ASTN2: variants seen among roughly 807,000 people sequenced by gnomAD.
ASTN2 encodes the protein astrotactin-2.
A neutral mutation model predicts 139.8 loss-of-function variants in ASTN2; 54 were observed. The ratio of observed to expected loss-of-function variants is 0.39; its 90% confidence interval spans 0.31 to 0.48. The LOEUF (loss-of-function observed/expected upper bound fraction) is 0.48, where lower values mean the gene tolerates loss of function less well. ASTN2 is among the 20% of genes least tolerant of loss of function. The probability of loss-of-function intolerance (pLI) is 0.95; values close to 1 mark genes in which losing one functional copy is unlikely to be tolerated. For missense variants in ASTN2, 1,565 were observed against 1,725.1 expected (o/e 0.91, Z 1.64); for synonymous variants, 756 against 719.5 (o/e 1.05, Z -0.81).
chr9:116,929,228 A>G (rs1298499517), intron 10 of ASTN2, among the ~76,000 whole-genome samples: 1 of 152,180 alleles, frequency 6.6e-6, no homozygotes. Context: ...TTCTTGAGAG[A>G]AAGGTCTTCA....
At chr9:116,486,899 T>C (rs1458563796) in intron 20 of ASTN2, among the ~76,000 whole-genome samples, 1 of 150,964 alleles carries the variant, frequency 6.6e-6, no homozygotes, top group African/African-American at 2.5e-5. Flanking sequence ...AAAAAGTGTA[T>C]ATTGTATATA....
chr9:116,694,459 CTTT>C (rs56666915), intron 16 of ASTN2, among the ~76,000 whole-genome samples: 75 of 88,040 alleles, frequency 8.5e-4, no homozygotes, highest in African/African-American at 3.0e-3. Context: ...TGTAATTTCT[CTTT>C]TTTTTTTTTT....
chr9:116,703,129 C>G (rs1457456951), intron 16 of ASTN2, among the ~76,000 whole-genome samples: 1 of 151,464 alleles, frequency 6.6e-6, no homozygotes, highest in African/African-American at 2.4e-5. Flanking sequence ...TCCACATCCT[C>G]TCCAGCACCT....
intron 3 of ASTN2, among the ~76,000 whole-genome samples, chr9:117,211,514 G>C (rs980523171): frequency 2.0e-5 from 3 of 152,138 alleles, no homozygotes; most frequent in Admixed American, 1.3e-4. Context: ...ATGTGAAGAA[G>C]GTGCTTGCTT....
intron 3 of ASTN2, among the ~76,000 whole-genome samples, chr9:117,181,701 C>T (rs1044139752): frequency 3.9e-5 from 6 of 152,126 alleles, no homozygotes; most frequent in African/African-American, 1.4e-4. Flanking sequence ...AATGATGATA[C>T]CATATGGAAA....
intron 3 of ASTN2, among the ~76,000 whole-genome samples, chr9:117,201,595 T>G (rs1388256813): frequency 6.6e-5 from 10 of 152,204 alleles, no homozygotes; most frequent in African/African-American, 2.2e-4. Flanking sequence ...TTTCATTATT[T>G]ATCCAGGAGT....
chr9:116,686,786 T>C (rs1342060677), intron 16 of ASTN2: 1 of 1,550,502 alleles, frequency 6.4e-7, no homozygotes, highest in African/African-American at 1.4e-5. Context: ...AAACATTCCT[T>C]TACAGAGCAA....
At chr9:116,651,078 G>T (rs1857884738) in intron 17 of ASTN2, among the ~76,000 whole-genome samples, 1 of 140,058 alleles carries the variant, frequency 7.1e-6, no homozygotes, top group Non-Finnish European at 1.6e-5. Flanking sequence ...CACCACACCT[G>T]GCGAATCTTT....
intron 19 of ASTN2, among the ~76,000 whole-genome samples, chr9:116,497,200 C>T (rs930061789): frequency 6.6e-6 from 1 of 152,154 alleles, no homozygotes; most frequent in Admixed American, 6.5e-5. Context: ...GCTGAAATAG[C>T]CATGGGCCAA....
At chr9:117,066,247 C>T (rs1041788654) in intron 5 of ASTN2, among the ~76,000 whole-genome samples, 1 of 141,276 alleles carries the variant, frequency 7.1e-6, no homozygotes, top group Non-Finnish European at 1.5e-5. Context: ...CAATTCCCAC[C>T]TATGAGTGAG....
chr9:116,630,898 G>C (rs963254592), intron 17 of ASTN2, among the ~76,000 whole-genome samples: 2 of 151,958 alleles, frequency 1.3e-5, no homozygotes, highest in Non-Finnish European at 2.9e-5. Context: ...ATGGGCAAGA[G>C]AGCTGAATAG....
chr9:116,469,316 T>C (rs558337979), intron 20 of ASTN2, among the ~76,000 whole-genome samples: 32 of 152,222 alleles, frequency 2.1e-4, no homozygotes, highest in East Asian at 5.8e-4. Context: ...GTTTTTTTTT[T>C]CCATAGTCCA....
intron 1 of ASTN2, among the ~76,000 whole-genome samples, chr9:117,292,483 T>A (rs960324536): frequency 1.3e-5 from 2 of 152,172 alleles, no homozygotes; most frequent in Admixed American, 6.5e-5. Flanking sequence ...CAGTGAATCT[T>A]ATGCATGAAT....
chr9:117,282,950 T>C (rs1834359552), intron 2 of ASTN2, among the ~76,000 whole-genome samples: 1 of 150,760 alleles, frequency 6.6e-6, no homozygotes. Flanking sequence ...TGTTTTCAGC[T>C]CCAAGATCCC....
chr9:117,366,666 G>T (rs1406653967), intron 1 of ASTN2, among the ~76,000 whole-genome samples: 2 of 152,000 alleles, frequency 1.3e-5, no homozygotes, highest in African/African-American at 4.8e-5. Flanking sequence ...CCTCAGTATT[G>T]GTGTCTGAGC....
chr9:117,238,798 G>T (rs1833121684), intron 2 of ASTN2, among the ~76,000 whole-genome samples: 2 of 152,170 alleles, frequency 1.3e-5, no homozygotes, highest in African/African-American at 4.8e-5. Flanking sequence ...TGGCTAGTAA[G>T]TGTGTGTGAA....
At chr9:117,408,133 A>G (rs1258818052) in intron 1 of ASTN2, among the ~76,000 whole-genome samples, 1 of 145,238 alleles carries the variant, frequency 6.9e-6, no homozygotes, top group African/African-American at 2.6e-5. Context: ...CCCTAAGGAG[A>G]TTTTTCCTTG....
chr9:117,047,663 T>C (rs1392436314), intron 5 of ASTN2, among the ~76,000 whole-genome samples: 1 of 152,150 alleles, frequency 6.6e-6, no homozygotes, highest in Non-Finnish European at 1.5e-5. Context: ...AATATCTCCT[T>C]CCCAGGGCAG....
chr9:117,024,647 G>A (rs368415107), intron 6 of ASTN2, among the ~76,000 whole-genome samples: 5 of 152,014 alleles, frequency 3.3e-5, no homozygotes, highest in Admixed American at 2.6e-4. Flanking sequence ...CACAGAGCAG[G>A]GATGCTCACC....
Sources: allele counts gnomAD v4.1 joint callset (sites outside exome capture counted in the v4.1 genomes callset), GRCh38; gene constraint gnomAD v4.1.1; transcripts MANE v1.5; gene names NCBI Gene and HGNC (gene_info 2026-07-23, HGNC 2026-07-21).